Variants in MOSPD1 observed in about 807,000 individuals in gnomAD.
The protein encoded by MOSPD1 is motile sperm domain containing 1, also known as motile sperm domain-containing protein 1.
MOSPD1 carries 5 observed loss-of-function variants against 16.7 expected under a neutral mutation model. That is an observed-to-expected ratio of 0.30 (90% CI 0.16 to 0.63). The LOEUF is 0.63. MOSPD1 is among the 30% of genes least tolerant of loss of function. The pLI, the probability that MOSPD1 is intolerant of heterozygous loss-of-function variation, is 0.82. For synonymous variants in MOSPD1, 67 were observed against 59.2 expected, an observed-to-expected ratio of 1.13 and a Z score of -0.61; for missense variants, 104 against 153.6, an observed-to-expected ratio of 0.68 and a Z score of 1.71.
At position 134,887,763 on chromosome X, in the gene MOSPD1, C is replaced by G. The variant is rs780395732; in HGVS notation, c.*1398G>C. On this transcript the variant is annotated 3_prime_UTR_variant, in exon 6 of 6. Transcript: ENST00000370783. ...GATGGAGAAACAAGAATAGCCTCCACACATCATTTTTACAAAGTTCAAAGT... is the reference window on the plus strand; with the variant it reads ...GATGGAGAAACAAGAATAGCCTCCAGACATCATTTTTACAAAGTTCAAAGT... 1 of 113,396 alleles carries G rather than the reference C, an allele frequency of 8.8e-6. No individual in the cohort carries two copies. Among genetic ancestry groups the G allele is most frequent in the African/African-American group, 3.2e-5 (1 of 31,226 alleles). The allele number at this position is 113,396 out of a possible 1,213,427, so 9.3% of individuals were successfully genotyped here. A position where few individuals can be genotyped will look rare whatever the true frequency, so the allele number is the denominator to read the frequency against.
Position 134,899,437 on chromosome X carries a change from C to A in MOSPD1, c.-4G>T. On this transcript the variant is annotated 5_prime_UTR_variant, in exon 2 of 6. Transcript: ENST00000370783. The stretch of plus-strand genomic sequence containing the variant: ...GTTGTCTTTTTTGTTGATGCATTGG[C>A]ACTGAATCCCCCTTGCTGCAGTTTC... The A allele has an allele frequency of 1.7e-6, 2 of 1,162,884 alleles. No homozygotes were observed. The highest frequency in any genetic ancestry group is 1.1e-6 in the Non-Finnish European group (1 of 876,452).
chrX:134,889,079 A>G lies in MOSPD1; in HGVS notation c.*82T>C, dbSNP rs1170308214. 7.7e-6 allele frequency: 5 copies of G among 649,398 alleles called. No individual in the cohort carries two copies. Among genetic ancestry groups the G allele is most frequent in the Non-Finnish European group, 1.2e-5 (5 of 422,630 alleles). The allele number at this position is 649,398 out of a possible 1,213,427, so 53.5% of individuals were successfully genotyped here. ...TCATTCAATAGTTTGTTGCATGTTA[A>G]TGGAGTGAAATAGAGATAAAAGGCA... On this transcript the variant is annotated 3_prime_UTR_variant, in exon 6 of 6. Coordinates refer to ENST00000370783, the MANE Select transcript of MOSPD1 (RefSeq NM_019556.3).
chrX:134,891,473 C>G lies in MOSPD1; in HGVS notation c.610+6G>C, dbSNP rs752302144. The G allele has an allele frequency of 8.3e-7, 1 of 1,209,436 alleles. No homozygotes were observed. Among genetic ancestry groups the G allele is most frequent in the Non-Finnish European group, 1.1e-6 (1 of 894,242 alleles). On this transcript the variant is annotated splice_donor_region_variant and intron_variant, in intron 5 of 5. Transcript: ENST00000370783. ...TATGTCCCAAATGCATCTTTAAAAC[C>G]CTTACCTAAGATATAAGCAGCCACT...
intron 1 of MOSPD1, among the ~76,000 whole-genome samples, chrX:134,907,153 G>A (rs1446451983): frequency 9.0e-6 from 1 of 110,780 alleles, no homozygotes; most frequent in South Asian, 3.8e-4. Context: ...GCTTGAATCC[G>A]GGAGGTGGAG....
chrX:134,897,343 T>C (rs990969536), intron 3 of MOSPD1, among the ~76,000 whole-genome samples: 4 of 108,432 alleles, frequency 3.7e-5, no homozygotes, highest in African/African-American at 1.3e-4. Flanking sequence ...CTTTGGGAGG[T>C]TGGGGCCTGG....
intron 4 of MOSPD1, among the ~76,000 whole-genome samples, chrX:134,892,033 A>C (rs1046996010): frequency 2.7e-5 from 3 of 112,241 alleles, no homozygotes; most frequent in African/African-American, 9.7e-5. Flanking sequence ...GATTTTTGGA[A>C]GAATGTGCTA....
chrX:134,907,183 G>A (rs903968688), intron 1 of MOSPD1, among the ~76,000 whole-genome samples: 1 of 110,603 alleles, frequency 9.0e-6, no homozygotes. Context: ...AGCCGAGATC[G>A]CACTACTGCA....
chrX:134,910,055 A>T (rs1053920196), intron 1 of MOSPD1, among the ~76,000 whole-genome samples: 1 of 111,968 alleles, frequency 8.9e-6, no homozygotes, highest in African/African-American at 3.2e-5. Flanking sequence ...AGCAAAATCC[A>T]TATTATATGA....
chrX:134,903,481 G>A (rs953816624), intron 1 of MOSPD1, among the ~76,000 whole-genome samples: 5 of 109,481 alleles, frequency 4.6e-5, no homozygotes, highest in African/African-American at 1.7e-4. Context: ...GGAGGCCGAG[G>A]TGGGCGGATC....
intron 1 of MOSPD1, among the ~76,000 whole-genome samples, chrX:134,904,882 G>A (rs996048859): frequency 2.7e-5 from 3 of 109,203 alleles, no homozygotes; most frequent in Non-Finnish European, 5.7e-5. Context: ...AAAGAAGATT[G>A]GAAACAGCCC....
Position 134,889,202 on chromosome X carries a change from G to A in MOSPD1, c.611-10C>T, listed in dbSNP as rs1374446586. On this transcript the variant is annotated splice_polypyrimidine_tract_variant and intron_variant, in intron 5 of 5. Transcript: ENST00000370783. ...GCCATTGTGATAAGACCTGAAAGAA[G>A]AAAAATGGAGAACAGTTAAAGGTAT... The A allele has an allele frequency of 8.5e-7, 1 of 1,175,588 alleles. No homozygotes were observed.
intron 1 of MOSPD1, among the ~76,000 whole-genome samples, chrX:134,908,475 C>T (rs1221717773): frequency 9.0e-6 from 1 of 111,487 alleles, no homozygotes; most frequent in Non-Finnish European, 1.9e-5. Context: ...CCTTCTGTTT[C>T]CCTCTGATTT....
intron 1 of MOSPD1, among the ~76,000 whole-genome samples, chrX:134,902,849 C>CAA (rs779709545): frequency 0.28 from 18,120 of 64,984 alleles, 1,761 homozygotes; most frequent in Non-Finnish European, 0.3. Flanking sequence ...TGGGTTTATA[C>CAA]AAAAAAAAAA....
chrX:134,889,583 C>T (rs1351436335), intron 5 of MOSPD1, among the ~76,000 whole-genome samples: 1 of 111,481 alleles, frequency 9.0e-6, no homozygotes, highest in Non-Finnish European at 1.9e-5. Flanking sequence ...CACAAAGAGA[C>T]AGAAGTATGG....
chrX:134,913,599 C>A (rs774735864), intron 1 of MOSPD1, among the ~76,000 whole-genome samples: 3 of 111,516 alleles, frequency 2.7e-5, no homozygotes, highest in South Asian at 7.4e-4. Context: ...TGTACATAAA[C>A]AATTTAAGGA....
At position 134,896,978 on chromosome X, in the gene MOSPD1, C is replaced by A; in HGVS notation, c.287G>T (p.Arg96Leu). Residue 96 changes from arginine to leucine, a missense_variant, in exon 4 of 6, where the codon CGT becomes CTT. This residue lies in a region of MOSPD1 where 68 missense variants were observed against 73.1 expected (regional missense o/e 0.93). Transcript: ENST00000370783. ...SCHYGVIDKF[R>L]LQVSEQSQRK... is the part of the protein sequence containing the mutation. Reference sequence around the variant, plus strand: ...TTGGCTTTGCTCGGAAACTTGGAGACGGAATTTGTCTATTACACCATAGTG... The same window carrying A: ...TTGGCTTTGCTCGGAAACTTGGAGAAGGAATTTGTCTATTACACCATAGTG... 1 of 1,208,965 alleles carries A rather than the reference C, an allele frequency of 8.3e-7. No homozygotes were observed. The highest frequency in any genetic ancestry group is 3.0e-5 in the East Asian group (1 of 33,751).
intron 1 of MOSPD1, chrX:134,899,827 A>G (rs1315480177): frequency 2.6e-5 from 3 of 115,065 alleles, no homozygotes; most frequent in Non-Finnish European, 5.4e-5. Context: ...GTGTGGTGAC[A>G]TGCCTGTAGT....
intron 1 of MOSPD1, among the ~76,000 whole-genome samples, chrX:134,902,114 C>A (rs1440307393): frequency 7.2e-5 from 8 of 111,380 alleles, no homozygotes; most frequent in Non-Finnish European, 3.8e-5. Flanking sequence ...AAAACAAAAA[C>A]AAGGTTGAAG....
At position 134,899,439 on chromosome X, in the gene MOSPD1, C is replaced by T. The variant is rs966329945; in HGVS notation, c.-6G>A. On this transcript the variant is annotated 5_prime_UTR_variant, in exon 2 of 6. It adds an upstream start codon to the 5' untranslated region. Transcript: ENST00000370783. ...TGTCTTTTTTGTTGATGCATTGGCA[C>T]TGAATCCCCCTTGCTGCAGTTTCTG... The T allele has an allele frequency of 3.5e-6, 4 of 1,155,565 alleles. No individual in the cohort carries two copies. Among genetic ancestry groups the T allele is most frequent in the Non-Finnish European group, 4.6e-6 (4 of 873,583 alleles).
Sources: gnomAD v4.1 joint callset for allele counts (sites outside exome capture counted in the v4.1 genomes callset) on GRCh38, gnomAD v4.1.1 for gene constraint, gnomAD v4.1.1 regional missense constraint, MANE v1.5 for transcripts, NCBI Gene and HGNC (gene_info 2026-07-23, HGNC 2026-07-21) for gene names.